Variants in ABCA8 observed in about 807,000 individuals in gnomAD.
ABCA8 encodes the protein ATP binding cassette subfamily A member 8, also known as ABC-type organic anion transporter ABCA8.
A neutral mutation model predicts 192.3 loss-of-function variants in ABCA8; 177 were observed. The observed-to-expected ratio is 0.92, with a 90% confidence interval of 0.81 to 1.04. The LOEUF is 1.04. ABCA8 is among the 50% of genes least tolerant of loss of function. ABCA8 has a pLI of 0.00. For missense variants in ABCA8, 1,915 were observed against 1,904.8 expected (o/e 1.01, Z -0.10); for synonymous variants, 642 against 690.2 (o/e 0.93, Z 1.09).
intron 6 of ABCA8, 103 bp downstream of exon 6, chr17:68,933,065 T>C (rs1374865666): frequency 1.2e-6 from 1 of 812,510 alleles, no homozygotes; most frequent in Non-Finnish European, 2.1e-6. Flanking sequence ...GCAAAGGAAA[T>C]AACAAGGCTA....
intron 17 of ABCA8, among the ~76,000 whole-genome samples, chr17:68,909,221 T>C (rs1282369373): frequency 6.6e-6 from 1 of 152,190 alleles, no homozygotes; most frequent in East Asian, 1.9e-4. Context: ...GGGGAGGTTG[T>C]AAAACTTTTT....
intron 21 of ABCA8, 138 bp from the exon 22 acceptor site, chr17:68,895,151 C>T (rs2066715294): frequency 1.8e-6 from 1 of 550,112 alleles, no homozygotes; most frequent in Non-Finnish European, 2.9e-6. Context: ...ACATACATAA[C>T]ATCTATTATT....
intron 12 of ABCA8, 147 bp from the exon 13 acceptor site, chr17:68,921,639 G>T (rs1326682118): frequency 8.6e-6 from 4 of 465,506 alleles, no homozygotes; most frequent in Non-Finnish European, 1.5e-5. Context: ...ATAGTGGGTT[G>T]TTAAATTCAA....
Position 68,940,782 on chromosome 17 carries a change from C to G in ABCA8, c.277G>C (p.Val93Leu), listed in dbSNP as rs775980906. 21 of 1,613,280 alleles carry G rather than the reference C, an allele frequency of 1.3e-5. No individual in the cohort carries two copies. Among genetic ancestry groups the G allele is most frequent in the Non-Finnish European group, 1.8e-5 (21 of 1,179,502 alleles). The change falls in exon 4 of 40, where the codon GTA (valine) becomes CTA (leucine). Residue 93 changes from valine (V) to leucine (L), a missense_variant. Val to Leu is a conservative substitution (Grantham distance 32, BLOSUM62 1). Transcript: ENST00000586539. Reference sequence around the variant, plus strand: ...CCTGCCAGGAAGGGAGTAGAGGCTACTTTATTCATTATCTGTTGGGTCGTG... The same window carrying G: ...CCTGCCAGGAAGGGAGTAGAGGCTAGTTTATTCATTATCTGTTGGGTCGTG... ...TNTTQQIMNK[V>L]ASTPFLAGKE... is the part of the protein sequence containing the mutation.
rs776016607 is a variant in ABCA8, at chr17:68,917,492, G to C, written c.2048-41C>G. On this transcript the variant is annotated intron_variant, in intron 16 of 39. Coordinates refer to ENST00000586539, the MANE Select transcript of ABCA8 (RefSeq NM_001288985.2). ...AGCAAAGAAGAAAGTTTGTTAAAAA[G>C]TGGCCCATCCATTTCCAAGAAAAGA... 4 of 1,463,558 alleles carry C rather than the reference G, an allele frequency of 2.7e-6. No homozygotes were observed. In the East Asian group the frequency reaches 6.9e-5, roughly 25 times the overall value. 90.7% of individuals were successfully genotyped at this position (1,463,558 alleles called of 1,614,324 possible).
At chr17:68,884,976 T>G (rs550612963) in intron 27 of ABCA8, 2 of 629,886 alleles carry the variant, frequency 3.2e-6, no homozygotes, top group East Asian at 2.8e-4. Flanking sequence ...CCACTACCCC[T>G]TACCCTTCCT....
chr17:68,895,630 C>G (rs1200318902), intron 21 of ABCA8, among the ~76,000 whole-genome samples: 3 of 152,184 alleles, frequency 2.0e-5, no homozygotes, highest in African/African-American at 7.2e-5. Flanking sequence ...CCACTTCCTT[C>G]CCAGATCTGT....
rs142411520 is a variant in ABCA8, at chr17:68,924,752, T to C, written c.1391A>G (p.His464Arg). 6.2e-6 allele frequency: 10 copies of C among 1,613,988 alleles called. No individual in the cohort carries two copies. The highest frequency in any genetic ancestry group is 1.3e-5 in the African/African-American group (1 of 74,926). Reference protein sequence around the residue: ...EDEMDADPSFHDSFEQAPPEF... With the variant: ...EDEMDADPSFRDSFEQAPPEF... Reference sequence around the variant, plus strand: ...TGGAGGCGCTTGTTCAAAAGAGTCATGAAATGAAGGATCGGCATCCATTTC... The same window carrying C: ...TGGAGGCGCTTGTTCAAAAGAGTCACGAAATGAAGGATCGGCATCCATTTC... The change falls in exon 11 of 40, where the codon CAT becomes CGT. Residue 464 changes from histidine (H) to arginine (R), a missense_variant. By Grantham distance (29) the His-to-Arg change is conservative. Transcript: ENST00000586539.
chr17:68,877,475 CA>C (rs1470100906), intron 33 of ABCA8, 43 bp downstream of exon 33: 1 of 1,532,466 alleles, frequency 6.5e-7, no homozygotes, highest in East Asian at 2.3e-5. Context: ...CAACCTCCTC[CA>C]CCCCTCCCTT....
rs1475545563 is a variant in ABCA8 at position 68,916,712 on chromosome 17, C to A, written c.2138+649G>T. Among the ~76,000 whole-genome samples, 3 of 151,942 alleles carry A rather than the reference C, an allele frequency of 2.0e-5. No individual in the cohort carries two copies. In the East Asian group the frequency reaches 5.8e-4, roughly 29 times the overall value. On this transcript the variant is annotated intron_variant, in intron 17 of 39. Transcript: ENST00000586539. ...AGAAGGAGTGGAAGCAAGTAGCCGA[C>A]TTAAGAATATATTAACACCCTGGGA...
chr17:68,940,607 T>C (rs1272603423), intron 4 of ABCA8, 151 bp downstream of exon 4: 2 of 689,868 alleles, frequency 2.9e-6, no homozygotes, highest in East Asian at 2.7e-5. Context: ...TGGTGAGATG[T>C]TACTTCCAAT....
At chr17:68,924,094 C>T (rs1034751423) in intron 11 of ABCA8, among the ~76,000 whole-genome samples, 2 of 152,132 alleles carry the variant, frequency 1.3e-5, no homozygotes, top group African/African-American at 4.8e-5. Flanking sequence ...GGCGCGGTGG[C>T]TCATGCCTGT....
chr17:68,894,431 A>G (rs965129378), intron 22 of ABCA8, 121 bp from the exon 23 acceptor site: 3 of 855,508 alleles, frequency 3.5e-6, no homozygotes, highest in Non-Finnish European at 5.2e-6. Flanking sequence ...AATAATCACA[A>G]TAAAAAGCCA....
intron 2 of ABCA8, 64 bp from the exon 3 acceptor site, chr17:68,942,103 T>A: frequency 8.1e-7 from 1 of 1,235,848 alleles, no homozygotes; most frequent in Non-Finnish European, 1.2e-6. Flanking sequence ...AGAAATATCC[T>A]GCAAACAACA....
At chr17:68,935,540 C>CTATATATATATA (rs6146128) in intron 5 of ABCA8, among the ~76,000 whole-genome samples, 5,942 of 86,354 alleles carry the variant, frequency 0.069, 346 homozygotes, top group Non-Finnish European at 0.083. Flanking sequence ...AGTAGTATTC[C>CTATATATATATA]TATATATATA....
chr17:68,952,589 A>G (rs570472154), intron 1 of ABCA8, among the ~76,000 whole-genome samples: 2 of 152,258 alleles, frequency 1.3e-5, no homozygotes, highest in East Asian at 3.9e-4. Context: ...AGGCTTTGAT[A>G]TACTTGGGCT....
Position 68,924,996 on chromosome 17 carries a change from T to C in ABCA8, c.1274-127A>G, listed in dbSNP as rs532876592. On this transcript the variant is annotated intron_variant, in intron 10 of 39. Coordinates refer to ENST00000586539, the MANE Select transcript of ABCA8 (RefSeq NM_001288985.2). ...TGAACATGTGGTCAACAGCAGGTAATGCACGTTTTGACACATGTAGCTTCA... is the reference window on the plus strand; with the variant it reads ...TGAACATGTGGTCAACAGCAGGTAACGCACGTTTTGACACATGTAGCTTCA... 2.2e-4 allele frequency: 200 copies of C among 889,562 alleles called. 2 individuals carry two copies. The highest frequency in any genetic ancestry group is 1.2e-3 in the South Asian group (60 of 51,500). The allele number at this position is 889,562 out of a possible 1,614,324, so 55.1% of individuals were successfully genotyped here.
chr17:68,902,354 T>C (rs2066937603), intron 21 of ABCA8, among the ~76,000 whole-genome samples: 1 of 152,204 alleles, frequency 6.6e-6, no homozygotes, highest in African/African-American at 2.4e-5. Context: ...GAAAATATTC[T>C]AAAAGGGATT....
intron 37 of ABCA8, 58 bp downstream of exon 37, chr17:68,875,200 CAT>C: frequency 1.9e-6 from 3 of 1,603,198 alleles, no homozygotes; most frequent in Non-Finnish European, 2.6e-6. Context: ...TATCACTCAA[CAT>C]AACTGACAAG....
Sources: gnomAD v4.1 joint callset for allele counts (sites outside exome capture counted in the v4.1 genomes callset) on GRCh38, gnomAD v4.1.1 for gene constraint, MANE v1.5 for transcripts, NCBI Gene and HGNC (gene_info 2026-07-23, HGNC 2026-07-21) for gene names.